POLR1B: variants seen among roughly 807,000 people sequenced by gnomAD.
POLR1B encodes the protein DNA-directed RNA polymerase I subunit RPA2.
In POLR1B, 30 loss-of-function variants were observed where a neutral mutation model predicts 105.8. That is an observed-to-expected ratio of 0.28 (90% CI 0.21 to 0.38). The LOEUF (loss-of-function observed/expected upper bound fraction) is 0.38. Ranked by LOEUF, POLR1B falls within the 10% of genes least tolerant of loss-of-function variation. The pLI, the probability that POLR1B is intolerant of heterozygous loss-of-function variation, is 1.00. For synonymous variants in POLR1B, 485 were observed against 505.1 expected (o/e 0.96, Z 0.53); for missense variants, 976 against 1,435.8 (o/e 0.68, Z 5.17).
intron 7 of POLR1B, among the ~76,000 whole-genome samples, 163 bp from the exon 8 acceptor site, chr2:112,557,747 C>T (rs908716301): frequency 2.0e-5 from 3 of 151,792 alleles, no homozygotes; most frequent in African/African-American, 7.3e-5. Context: ...ACCCCACCCC[C>T]TCTGGCTAAT....
upstream of POLR1B, chr2:112,542,080 TG>T (rs1682774760): frequency 1.3e-6 from 2 of 1,533,232 alleles, no homozygotes; most frequent in Non-Finnish European, 1.7e-6. Flanking sequence ...AGCGTGGGAC[TG>T]GGAACAGGTG....
chr2:112,547,709 G>A (rs1479450442), intron 3 of POLR1B, 142 bp downstream of exon 3: 1 of 843,852 alleles, frequency 1.2e-6, no homozygotes, highest in Middle Eastern at 3.0e-4. Context: ...TGCATACAGT[G>A]TATGGCTCTG....
chr2:112,547,242 C>T (rs1683106706), intron 2 of POLR1B, 63 bp downstream of exon 2: 1 of 1,576,532 alleles, frequency 6.3e-7, no homozygotes, highest in Non-Finnish European at 8.6e-7. Flanking sequence ...GGGCGGGTGC[C>T]TAATAAAGTT....
Position 112,542,477 on chromosome 2 carries a change from C to T in POLR1B, c.-18C>T, listed in dbSNP as rs767271936. 2 of 1,613,648 alleles carry T rather than the reference C, an allele frequency of 1.2e-6. No homozygotes were observed. The highest frequency in any genetic ancestry group is 1.7e-6 in the Non-Finnish European group (2 of 1,179,988). On this transcript the variant is annotated 5_prime_UTR_variant, in exon 1 of 15. Transcript: ENST00000263331. ...CGGCGTGTACCGAGAGACTGGCGTCCGGTGTGCAGGTGGCCACATGGATCC... is the reference window on the plus strand; with the variant it reads ...CGGCGTGTACCGAGAGACTGGCGTCTGGTGTGCAGGTGGCCACATGGATCC...
upstream of POLR1B, chr2:112,542,094 G>C (rs528294564): frequency 2.2e-4 from 337 of 1,535,092 alleles, 1 homozygote; most frequent in Non-Finnish European, 2.9e-4. Flanking sequence ...AACAGGTGAA[G>C]GGAAACAGAA....
At position 112,562,889 on chromosome 2, in the gene POLR1B, A is replaced by G. The variant is rs1684076878; in HGVS notation, c.1613-1477A>G. Among the ~76,000 whole-genome samples the G allele has an allele frequency of 3.4e-5, 5 of 147,976 alleles. No homozygotes were observed. The South Asian group carries it at 1.1e-3, about 32-fold the overall frequency. ...CACAGGCATGCACCATCATGCCCGGATAATTTTTTTTGTATTTTTAGTAGC... is the reference window on the plus strand; with the variant it reads ...CACAGGCATGCACCATCATGCCCGGGTAATTTTTTTTGTATTTTTAGTAGC... On this transcript the variant is annotated intron_variant, in intron 9 of 14. Coordinates refer to ENST00000263331, the MANE Select transcript of POLR1B (RefSeq NM_019014.6).
rs369255960 is a variant in POLR1B at position 112,558,070 on chromosome 2, G to A, written c.1319G>A (p.Arg440His). 9.0e-6 allele frequency: 12 copies of A among 1,337,356 alleles called. No homozygotes were observed. The highest frequency in any genetic ancestry group is 1.5e-5 in the African/African-American group (1 of 66,562). The allele number at this position is 1,337,356 out of a possible 1,614,324, so 82.8% of individuals were successfully genotyped here. The change falls in exon 8 of 15, where the codon CGT becomes CAT. Residue 440 changes from arginine (R) to histidine (H), a missense_variant. By Grantham distance (29) the Arg-to-His change is conservative. Transcript: ENST00000263331. The part of the protein sequence containing the change: ...FEYLFATGNL[R>H]SKTGLGLLQD... The stretch of plus-strand genomic sequence containing the variant: ...TACCTTTTTGCTACTGGGAATCTGC[G>A]TTCTAAAACAGGTAAAATTAAATCG...
intron 10 of POLR1B, among the ~76,000 whole-genome samples, chr2:112,565,275 C>T (rs1365201863): frequency 6.6e-6 from 1 of 152,044 alleles, no homozygotes; most frequent in East Asian, 1.9e-4. Context: ...GTACATGGGA[C>T]CCCCCTGTAT....
At position 112,559,369 on chromosome 2, in the gene POLR1B, C is replaced by A; in HGVS notation, c.1407C>A (p.Phe469Leu). ...ACTTCATACGCTACCTCTCCCATTT[C>A]CGCTGCGTGCACAGAGGGGCTGATT... ...KLNFIRYLSH[F>L]RCVHRGADFA... is the part of the protein sequence containing the mutation. Residue 469 changes from phenylalanine to leucine, a missense_variant, in exon 9 of 15, where the codon TTC becomes TTA. Phe to Leu is a conservative substitution (Grantham distance 22, BLOSUM62 0). Transcript: ENST00000263331. 6.2e-7 allele frequency: 1 copy of A among 1,614,206 alleles called. No individual in the cohort carries two copies. The highest frequency in any genetic ancestry group is 8.5e-7 in the Non-Finnish European group (1 of 1,180,040).
At chr2:112,564,913 C>G (rs545644823) in intron 10 of POLR1B, among the ~76,000 whole-genome samples, 22 of 152,272 alleles carry the variant, frequency 1.4e-4, no homozygotes, top group Admixed American at 1.3e-3. Flanking sequence ...GAATGACATT[C>G]TTTGAATAAC....
At chr2:112,547,214 T>G (rs779298659) in intron 2 of POLR1B, 35 bp downstream of exon 2, 1 of 1,607,714 alleles carries the variant, frequency 6.2e-7, no homozygotes, top group East Asian at 2.2e-5. Flanking sequence ...CTCTCAACAC[T>G]GCACATATTT....
intron 10 of POLR1B, 78 bp from the exon 11 acceptor site, chr2:112,567,889 T>C: frequency 8.0e-7 from 1 of 1,250,930 alleles, no homozygotes; most frequent in Admixed American, 1.9e-5. Flanking sequence ...ATGAGTGGTA[T>C]TCCATGGGGC....
chr2:112,549,953 G>C (rs930069523), intron 4 of POLR1B, among the ~76,000 whole-genome samples: 2 of 152,062 alleles, frequency 1.3e-5, no homozygotes, highest in African/African-American at 4.8e-5. Context: ...TCAAGGTATT[G>C]TACACCTTGA....
upstream of POLR1B, chr2:112,542,222 C>G: frequency 6.5e-7 from 1 of 1,535,538 alleles, no homozygotes; most frequent in Non-Finnish European, 8.7e-7. Context: ...CTTTCGCGAG[C>G]GGGGAGATGA....
rs1684656157 is a variant in POLR1B, at chr2:112,572,711, A to G, written c.2224A>G (p.Ile742Val). 1.9e-6 allele frequency: 3 copies of G among 1,611,192 alleles called. No homozygotes were observed. Among genetic ancestry groups the G allele is most frequent in the East Asian group, 4.5e-5 (2 of 44,806 alleles). Residue 742 changes from isoleucine (I) to valine (V), a missense_variant, in exon 13 of 15, where the codon ATC (isoleucine) becomes GTC (valine). Ile to Val is a conservative substitution (Grantham distance 29). Transcript: ENST00000263331. ...MDNYPIGTNAIVAVISYTGYD... is the reference protein window; with the variant it reads ...MDNYPIGTNAVVAVISYTGYD... ...TAACTATCCAATTGGGACCAATGCC[A>G]TCGTTGCTGTGATTTCTTACACTGG...
At chr2:112,543,382 TA>T (rs11298106) in intron 1 of POLR1B, among the ~76,000 whole-genome samples, 120,848 of 151,964 alleles carry the variant, frequency 0.8, 48,243 homozygotes, top group Middle Eastern at 0.88. Context: ...GGGGTGAAGA[TA>T]ATGAAAGCAG....
At chr2:112,549,880 A>G (rs1480680947) in intron 4 of POLR1B, among the ~76,000 whole-genome samples, 1 of 151,320 alleles carries the variant, frequency 6.6e-6, no homozygotes, top group Non-Finnish European at 1.5e-5. Flanking sequence ...AATGATAACT[A>G]TGGTGATTGA....
chr2:112,569,790 C>T (rs989186301), intron 12 of POLR1B, among the ~76,000 whole-genome samples: 1 of 152,112 alleles, frequency 6.6e-6, no homozygotes, highest in Admixed American at 6.5e-5. Context: ...GAACTCCTGA[C>T]CTCAGGTGAC....
Position 112,567,985 on chromosome 2 carries a change from A to G in POLR1B, c.1765A>G (p.Ile589Val). Residue 589 changes from isoleucine (I) to valine (V), a missense_variant, in exon 11 of 15, where the codon ATT becomes GTT. Physicochemically the swap from Ile to Val is conservative, Grantham distance 29. Around this residue, in one of 12 missense-constraint regions of POLR1B, gnomAD observed 184 missense variants for 197.4 expected, o/e 0.93. Transcript: ENST00000263331. ...AAAACAGGTGTTGAGAGAGAAAAGA[A>G]TTCCTCCCTGGATGGAAGTGGTCCT... ...RHFKVLREKR[I>V]PPWMEVVLIP... 6.2e-7 allele frequency: 1 copy of G among 1,613,880 alleles called. No individual in the cohort carries two copies. Among genetic ancestry groups the G allele is most frequent in the East Asian group, 2.2e-5 (1 of 44,880 alleles).
Sources: allele counts gnomAD v4.1 joint callset (sites outside exome capture counted in the v4.1 genomes callset), GRCh38; gene constraint gnomAD v4.1.1; regional missense constraint gnomAD v4.1.1; transcripts MANE v1.5; gene names NCBI Gene and HGNC (gene_info 2026-07-23, HGNC 2026-07-21).